Variants in PHF21A observed in about 807,000 individuals in gnomAD.
PHF21A encodes the protein BHC80a.
In PHF21A, 11 loss-of-function variants were observed where a neutral mutation model predicts 82.5. The ratio of observed to expected loss-of-function variants is 0.13; its 90% CI spans 0.08 to 0.22. The LOEUF (loss-of-function observed/expected upper bound fraction) is 0.22, where lower values mean the gene tolerates loss of function less well. PHF21A is among the 10% of genes least tolerant of loss of function. The probability of loss-of-function intolerance (pLI) is 1.00; values close to 1 mark genes in which losing one functional copy is unlikely to be tolerated. For missense variants in PHF21A, 579 were observed against 837.8 expected (o/e 0.69, Z 3.81); for synonymous variants, 297 against 302.8 (o/e 0.98, Z 0.20).
intron 18 of PHF21A, chr11:45,934,539 A>C: frequency 3.3e-6 from 1 of 303,918 alleles, no homozygotes; most frequent in Non-Finnish European, 6.0e-6. Flanking sequence ...CTTCCAAACA[A>C]AGGTTGTTTA....
At chr11:46,084,960 G>T (rs1426441068) in intron 3 of PHF21A, among the ~76,000 whole-genome samples, 1 of 151,926 alleles carries the variant, frequency 6.6e-6, no homozygotes, top group African/African-American at 2.4e-5. Flanking sequence ...GATTACAGGC[G>T]TGAGCCACTG....
At chr11:45,952,849 AT>A (rs2092289004) in intron 11 of PHF21A, among the ~76,000 whole-genome samples, 1 of 152,216 alleles carries the variant, frequency 6.6e-6, no homozygotes, top group Non-Finnish European at 1.5e-5. Flanking sequence ...ACCTGTCTAC[AT>A]TTTCCATTTA....
chr11:45,986,148 TAGG>T (rs1380207768), intron 6 of PHF21A, among the ~76,000 whole-genome samples: 1 of 143,684 alleles, frequency 7.0e-6, no homozygotes, highest in African/African-American at 2.6e-5. Flanking sequence ...CTCATCTCCA[TAGG>T]AGATGAGACC....
chr11:45,990,279 A>ATG (rs2094644482), intron 6 of PHF21A, among the ~76,000 whole-genome samples: 1 of 118,004 alleles, frequency 8.5e-6, no homozygotes, highest in Non-Finnish European at 1.7e-5. Flanking sequence ...TTTTTTTTCA[A>ATG]ACAGGATCTC....
intron 1 of PHF21A, among the ~76,000 whole-genome samples, chr11:46,106,323 G>A (rs550868343): frequency 2.6e-5 from 4 of 152,242 alleles, no homozygotes; most frequent in East Asian, 3.9e-4. Context: ...GGGTGGGGGG[G>A]AACCATCAGC....
intron 1 of PHF21A, among the ~76,000 whole-genome samples, chr11:46,113,908 C>A (rs922763414): frequency 1.3e-5 from 2 of 150,382 alleles, no homozygotes; most frequent in African/African-American, 4.9e-5. Flanking sequence ...AATAATTTTT[C>A]TTGAAGAAAA....
intron 14 of PHF21A, among the ~76,000 whole-genome samples, chr11:45,947,487 G>C (rs2091473158): frequency 6.6e-6 from 1 of 152,156 alleles, no homozygotes. Flanking sequence ...GATGCCTATA[G>C]TACAAAGACA....
rs1349053407 is a variant in PHF21A, at chr11:45,930,199, G to A, written c.*3769C>T. 2 of 152,454 alleles carry A rather than the reference G, an allele frequency of 1.3e-5. No homozygotes were observed. The highest frequency in any genetic ancestry group is 4.8e-5 in the African/African-American group (2 of 41,476). The allele number at this position is 152,454 out of a possible 1,614,324, so 9.4% of individuals were successfully genotyped here. A position where few individuals can be genotyped will look rare whatever the true frequency, so the allele number is the denominator to read the frequency against. ...CCAAGGGAGGCTCTGATGGCCCCAA[G>A]AGAGAAGTATCAGAGGTGGCTGGAG... On this transcript the variant is annotated 3_prime_UTR_variant, in exon 19 of 19. Transcript: ENST00000676320.
At chr11:46,051,647 T>C (rs979185807) in intron 6 of PHF21A, among the ~76,000 whole-genome samples, 11 of 152,184 alleles carry the variant, frequency 7.2e-5, no homozygotes, top group African/African-American at 2.7e-4. Flanking sequence ...CAATGTGCAA[T>C]TCCATTCTGT....
chr11:45,950,905 T>C (rs1056257200), intron 11 of PHF21A, among the ~76,000 whole-genome samples: 12 of 152,236 alleles, frequency 7.9e-5, no homozygotes, highest in Admixed American at 2.6e-4. Context: ...CACAGCTAAA[T>C]GATTTTCAGG....
intron 9 of PHF21A, among the ~76,000 whole-genome samples, chr11:45,967,092 G>A (rs2093484299): frequency 6.6e-6 from 1 of 152,144 alleles, no homozygotes; most frequent in Admixed American, 6.5e-5. Context: ...TTCCTGGCCG[G>A]GCACAGTGGC....
chr11:46,062,010 T>A (rs1489763388), intron 6 of PHF21A, among the ~76,000 whole-genome samples: 1 of 152,218 alleles, frequency 6.6e-6, no homozygotes, highest in African/African-American at 2.4e-5. Flanking sequence ...ATCATTCCAA[T>A]GACTGCTAGC....
chr11:45,960,613 G>A (rs1293438096), intron 10 of PHF21A, among the ~76,000 whole-genome samples: 5 of 152,148 alleles, frequency 3.3e-5, no homozygotes, highest in Admixed American at 6.5e-5. Flanking sequence ...CTTAACAGAA[G>A]TGATGGTTGC....
At chr11:46,074,461 GA>G (rs67051629) in intron 6 of PHF21A, among the ~76,000 whole-genome samples, 35,929 of 150,540 alleles carry the variant, frequency 0.24, 5,356 homozygotes, top group South Asian at 0.34. Context: ...CTTTTGGCGG[GA>G]GGGGGGAAGG....
intron 6 of PHF21A, among the ~76,000 whole-genome samples, chr11:45,996,893 C>T (rs2094927381): frequency 6.6e-6 from 1 of 152,218 alleles, no homozygotes; most frequent in Non-Finnish European, 1.5e-5. Context: ...ATACTGCTGA[C>T]TACTAACTTA....
chr11:46,026,270 G>A (rs2095743717), intron 6 of PHF21A, among the ~76,000 whole-genome samples: 1 of 152,152 alleles, frequency 6.6e-6, no homozygotes, highest in Non-Finnish European at 1.5e-5. Context: ...TCAGTGGCAT[G>A]GGATATGTTT....
chr11:46,066,137 T>C (rs2096591347), intron 6 of PHF21A, among the ~76,000 whole-genome samples: 2 of 152,214 alleles, frequency 1.3e-5, no homozygotes, highest in Non-Finnish European at 2.9e-5. Context: ...GTAGGCTCTA[T>C]TTTATTTGAT....
rs1306846257 is a variant in PHF21A, at chr11:45,932,221, C to T, written c.*1747G>A. 3 of 152,300 alleles carry T rather than the reference C, an allele frequency of 2.0e-5. No homozygotes were observed. Among genetic ancestry groups the T allele is most frequent in the African/African-American group, 7.2e-5 (3 of 41,474 alleles). 9.4% of individuals were successfully genotyped at this position (152,300 alleles called of 1,614,324 possible). ...ACAGAGCTCCGCTGGCCAGTTCCCTCGGAGGTGTCCCCCAGGCACTCATAA... is the reference window on the plus strand; with the variant it reads ...ACAGAGCTCCGCTGGCCAGTTCCCTTGGAGGTGTCCCCCAGGCACTCATAA... On this transcript the variant is annotated 3_prime_UTR_variant, in exon 19 of 19. Coordinates refer to ENST00000676320, the MANE Select transcript of PHF21A (RefSeq NM_001352027.3). This position sits in a 1 kb window ranked among gnomAD's most constrained non-coding sequence, Gnocchi z 4.3.
At chr11:46,059,370 G>A (rs1459312266) in intron 6 of PHF21A, among the ~76,000 whole-genome samples, 3 of 152,108 alleles carry the variant, frequency 2.0e-5, no homozygotes, top group African/African-American at 7.2e-5. Context: ...AAATGCTCAA[G>A]ATATAGACAA....
Sources: gnomAD v4.1 joint callset for allele counts (sites outside exome capture counted in the v4.1 genomes callset) on GRCh38, gnomAD v4.1.1 for gene constraint, Gnocchi (gnomAD v3.1) non-coding constraint, MANE v1.5 for transcripts, NCBI Gene and HGNC (gene_info 2026-07-23, HGNC 2026-07-21) for gene names.